Variants in RAP2A observed in about 807,000 individuals in gnomAD.
The protein encoded by RAP2A is RAP2A, member of RAS oncogene family.
Under a neutral mutation model 15.1 loss-of-function variants are expected in RAP2A, and 5 were observed. That is an observed-to-expected ratio of 0.33 (90% CI 0.17 to 0.70). The LOEUF (loss-of-function observed/expected upper bound fraction) is 0.70. Ranked by LOEUF, RAP2A falls within the 30% of genes least tolerant of loss-of-function variation. The probability of loss-of-function intolerance (pLI) is 0.68; values close to 1 mark genes in which losing one functional copy is unlikely to be tolerated. For missense variants in RAP2A, 111 were observed against 240.3 expected (o/e 0.46, Z 3.56); for synonymous variants, 110 against 99.7 (o/e 1.10, Z -0.62).
rs2066780605 is a variant in RAP2A, at chr13:97,468,130, A to C, written c.*3688A>C. 3 of 152,236 alleles carry C rather than the reference A, an allele frequency of 2.0e-5. No individual in the cohort carries two copies. Among genetic ancestry groups the C allele is most frequent in the Admixed American group, 1.3e-4 (2 of 15,280 alleles). The allele number at this position is 152,236 out of a possible 1,614,324, so 9.4% of individuals were successfully genotyped here. On this transcript the variant is annotated 3_prime_UTR_variant, in exon 2 of 2. Coordinates refer to ENST00000245304, the MANE Select transcript of RAP2A (RefSeq NM_021033.7). ...TGATTTGAGAGTTCATCATATAAAA[A>C]GGCAGGTAGGTAGATAATTTTCATA...
intron 1 of RAP2A, chr13:97,441,825 T>C (rs1315066791): frequency 1.1e-5 from 5 of 441,780 alleles, no homozygotes; most frequent in African/African-American, 1.0e-4. Context: ...AATAAGAGTT[T>C]GAATACGAGC....
In RAP2A at chr13:97,434,187, G is replaced by T. The variant is rs1410783966; in HGVS notation, c.-284G>T. The T allele has an allele frequency of 6.8e-6, 1 of 146,108 alleles. No homozygotes were observed. Among genetic ancestry groups the T allele is most frequent in the South Asian group, 1.8e-4 (1 of 5,590 alleles). 9.1% of individuals were successfully genotyped at this position (146,108 alleles called of 1,614,324 possible). ...GGGCGGCACTGCGGGCCCGCGGCTC[G>T]GGCGGCACCAGCGGCTCCCGGTCTC... On this transcript the variant is annotated 5_prime_UTR_variant, in exon 1 of 2. Coordinates refer to ENST00000245304, the MANE Select transcript of RAP2A (RefSeq NM_021033.7).
chr13:97,444,803 G>A (rs995744611), intron 1 of RAP2A, among the ~76,000 whole-genome samples: 13 of 152,042 alleles, frequency 8.6e-5, no homozygotes, highest in Non-Finnish European at 1.8e-4. Context: ...TCAGAATTTT[G>A]TCTACAAGAC....
chr13:97,456,327 T>C (rs936026441), intron 1 of RAP2A, among the ~76,000 whole-genome samples: 2 of 152,160 alleles, frequency 1.3e-5, no homozygotes, highest in African/African-American at 2.4e-5. Flanking sequence ...TCTTTCTTCT[T>C]CAGGCGTTGG....
At chr13:97,452,690 A>G (rs2066707706) in intron 1 of RAP2A, among the ~76,000 whole-genome samples, 1 of 150,822 alleles carries the variant, frequency 6.6e-6, no homozygotes, top group Non-Finnish European at 1.5e-5. Flanking sequence ...ACCTTCTGGC[A>G]TTTTGATTGG....
chr13:97,441,898 T>C (rs1217227750), intron 1 of RAP2A: 9 of 294,258 alleles, frequency 3.1e-5, no homozygotes, highest in South Asian at 1.7e-4. Flanking sequence ...TGTATAGATA[T>C]TGTGTTTATG....
intron 1 of RAP2A, among the ~76,000 whole-genome samples, chr13:97,446,219 G>A (rs2066678844): frequency 6.6e-6 from 1 of 152,104 alleles, no homozygotes; most frequent in Non-Finnish European, 1.5e-5. Flanking sequence ...GTATCTCAGT[G>A]TGGGCAATAA....
At chr13:97,460,843 C>G (rs774276091) in intron 1 of RAP2A, among the ~76,000 whole-genome samples, 1 of 152,164 alleles carries the variant, frequency 6.6e-6, no homozygotes, top group Non-Finnish European at 1.5e-5. Context: ...TGGAGAAGCA[C>G]CTGGTTAGTG....
chr13:97,467,161 A>G lies in RAP2A; in HGVS notation c.*2719A>G, dbSNP rs2066775507. On this transcript the variant is annotated 3_prime_UTR_variant, in exon 2 of 2. Transcript: ENST00000245304. ...ATAAGATTTTCTTTTTTTTACTTTT[A>G]TACAAAGGCAGCATCTTTGAATTTT... The G allele has an allele frequency of 6.6e-6, 1 of 152,520 alleles. No individual in the cohort carries two copies. The highest frequency in any genetic ancestry group is 1.5e-5 in the Non-Finnish European group (1 of 68,014). 9.4% of individuals were successfully genotyped at this position (152,520 alleles called of 1,614,324 possible). A position where few individuals can be genotyped will look rare whatever the true frequency, so the allele number is the denominator to read the frequency against.
chr13:97,450,048 A>G (rs1311176116), intron 1 of RAP2A, among the ~76,000 whole-genome samples: 1 of 152,130 alleles, frequency 6.6e-6, no homozygotes, highest in African/African-American at 2.4e-5. Flanking sequence ...TACTACAACA[A>G]TAGAAAAATC....
chr13:97,453,537 G>A (rs1459080280), intron 1 of RAP2A, among the ~76,000 whole-genome samples: 1 of 151,238 alleles, frequency 6.6e-6, no homozygotes, highest in Non-Finnish European at 1.5e-5. Flanking sequence ...ATTCATCCAA[G>A]GTGTTGTGTG....
In RAP2A at chr13:97,465,114, T is replaced by C. The variant is rs915882226; in HGVS notation, c.*672T>C. 8 of 152,282 alleles carry C rather than the reference T, an allele frequency of 5.3e-5. No individual in the cohort carries two copies. The highest frequency in any genetic ancestry group is 1.7e-4 in the African/African-American group (7 of 41,470). 9.4% of individuals were successfully genotyped at this position (152,282 alleles called of 1,614,324 possible). A position where few individuals can be genotyped will look rare whatever the true frequency, so the allele number is the denominator to read the frequency against. The stretch of plus-strand genomic sequence containing the variant: ...GTTATGTAAAAATATAGTCTGGCTT[T>C]AGAATTTGTTAATTCACCTGCTTTG... On this transcript the variant is annotated 3_prime_UTR_variant, in exon 2 of 2. Coordinates refer to ENST00000245304, the MANE Select transcript of RAP2A (RefSeq NM_021033.7).
intron 1 of RAP2A, among the ~76,000 whole-genome samples, chr13:97,454,760 T>G (rs747589245): frequency 1.6e-4 from 24 of 151,524 alleles, no homozygotes; most frequent in Admixed American, 5.3e-4. Flanking sequence ...CTATTTTCCT[T>G]CAGCCCAAGG....
intron 1 of RAP2A, among the ~76,000 whole-genome samples, chr13:97,436,571 T>C (rs570722737): frequency 9.9e-5 from 15 of 152,284 alleles, no homozygotes; most frequent in African/African-American, 2.2e-4. Flanking sequence ...GGAACAAATA[T>C]GGCAAAATAT....
chr13:97,462,005 T>TATATAG lies in RAP2A; in HGVS notation c.315-2195_315-2194insGATATA, dbSNP rs1566475752. On this transcript the variant is annotated intron_variant, in intron 1 of 1. Transcript: ENST00000245304. ...ATATATATATTTATATATTTATATT[T>TATATAG]ATATATTTATATAGATATTTATATA... is the stretch of plus-strand genomic sequence containing the variant. Among the ~76,000 whole-genome samples, 48 of 144,922 alleles carry TATATAG rather than the reference T, an allele frequency of 3.3e-4. 1 individual carries two copies. The highest frequency in any genetic ancestry group is 1.1e-3 in the African/African-American group (44 of 39,822).
chr13:97,434,495 CT>C lies in RAP2A; in HGVS notation c.26del (p.Leu9ArgfsTer6). MREYKVVVLGSGGVGKSAL... is the reference protein window; with the variant it reads MREYKVVVXGSGGVGKSAL... ...GATGCGCGAGTACAAAGTGGTGGTG[CT>C]GGGCTCGGGCGGGGTAGGCAAATCC... On this transcript the variant is annotated frameshift_variant, in exon 1 of 2. Transcript: ENST00000245304. LOFTEE classifies it high-confidence loss of function. 6.2e-7 allele frequency: 1 copy of C among 1,610,630 alleles called. No homozygotes were observed. Among genetic ancestry groups the C allele is most frequent in the Non-Finnish European group, 8.5e-7 (1 of 1,178,156 alleles).
intron 1 of RAP2A, among the ~76,000 whole-genome samples, chr13:97,440,357 A>T (rs558656275): frequency 6.6e-6 from 1 of 152,284 alleles, no homozygotes; most frequent in South Asian, 2.1e-4. Flanking sequence ...CAAACAAAGA[A>T]TTTGGGTATG....
rs1410783966 is a variant in RAP2A, at chr13:97,434,187, G to A, written c.-284G>A. The A allele has an allele frequency of 1.4e-5, 2 of 146,206 alleles. No individual in the cohort carries two copies. The highest frequency in any genetic ancestry group is 5.0e-5 in the African/African-American group (2 of 40,342). 9.1% of individuals were successfully genotyped at this position (146,206 alleles called of 1,614,324 possible). The stretch of plus-strand genomic sequence containing the variant: ...GGGCGGCACTGCGGGCCCGCGGCTC[G>A]GGCGGCACCAGCGGCTCCCGGTCTC... On this transcript the variant is annotated 5_prime_UTR_variant, in exon 1 of 2. Transcript: ENST00000245304.
At chr13:97,461,202 CAG>C (rs767933723) in intron 1 of RAP2A, among the ~76,000 whole-genome samples, 1 of 152,170 alleles carries the variant, frequency 6.6e-6, no homozygotes, top group South Asian at 2.1e-4. Context: ...GAACTGGAAG[CAG>C]AGCCTCCAAA....
Sources: gnomAD v4.1 joint callset for allele counts (sites outside exome capture counted in the v4.1 genomes callset) on GRCh38, gnomAD v4.1.1 for gene constraint, MANE v1.5 for transcripts, NCBI Gene and HGNC (gene_info 2026-07-23, HGNC 2026-07-21) for gene names.